The following PCDHGA10 variants were observed in gnomAD, a reference collection of about 807,000 sequenced individuals.
The protein encoded by PCDHGA10 is protocadherin gamma subfamily A, 10, also known as protocadherin gamma-A10.
PCDHGA10 carries 42 observed loss-of-function variants against 59.5 expected under a neutral mutation model. The ratio of observed to expected loss-of-function variants is 0.71; its 90% CI spans 0.55 to 0.91. The LOEUF (loss-of-function observed/expected upper bound fraction) is 0.91, where lower values mean the gene tolerates loss of function less well. PCDHGA10 is among the 40% of genes least tolerant of loss of function. The probability of loss-of-function intolerance (pLI) is 0.00; values close to 1 mark genes in which losing one functional copy is unlikely to be tolerated. For synonymous variants in PCDHGA10, 511 were observed against 517.2 expected (o/e 0.99, Z 0.16); for missense variants, 1,111 against 1,198.2 (o/e 0.93, Z 1.07).
chr5:141,467,162 C>T (rs765574629), intron 1 of PCDHGA10, among the ~76,000 whole-genome samples: 1 of 151,724 alleles, frequency 6.6e-6, no homozygotes, highest in Non-Finnish European at 1.5e-5. Flanking sequence ...AAGTGATTCT[C>T]ATCTCTCAGC....
At chr5:141,509,319 G>A (rs1427191152) in intron 3 of PCDHGA10, among the ~76,000 whole-genome samples, 3 of 152,216 alleles carry the variant, frequency 2.0e-5, no homozygotes, top group African/African-American at 4.8e-5. Context: ...TGGGAGAGAA[G>A]CTCTACTGCC....
intron 1 of PCDHGA10, among the ~76,000 whole-genome samples, chr5:141,464,504 T>A (rs1264652523): frequency 6.6e-6 from 1 of 152,046 alleles, no homozygotes; most frequent in Non-Finnish European, 1.5e-5. Context: ...GATTGCTGCA[T>A]CATAAGGTAA....
At position 141,413,202 on chromosome 5, in the gene PCDHGA10, GGAATC is replaced by G. The variant is rs766359797; in HGVS notation, c.28_32del (p.Glu10LysfsTer30). 6.8e-6 allele frequency: 11 copies of G among 1,611,944 alleles called. No homozygotes were observed. The East Asian group carries it at 2.2e-4, about 33-fold the overall frequency. On this transcript the variant is annotated frameshift_variant, in exon 1 of 4. Coordinates refer to ENST00000398610, the MANE Select transcript of PCDHGA10 (RefSeq NM_018913.3). LOFTEE classifies it high-confidence loss of function. ...TGGCCGCTCAAAGGAATCGCTCAAAGGAATCAAAGGATTGCAGCGGGCTGGTCCTG... is the reference window on the plus strand; with the variant it reads ...TGGCCGCTCAAAGGAATCGCTCAAAGAAAGGATTGCAGCGGGCTGGTCCTG...
In PCDHGA10 at chr5:141,493,511, T is replaced by G. The variant is rs1203329648; in HGVS notation, c.2437-1296T>G. Among the ~76,000 whole-genome samples the G allele has an allele frequency of 6.6e-6, 1 of 152,094 alleles. No individual in the cohort carries two copies. Reference sequence around the variant, plus strand: ...TCTGTGGCTCCTCATTTCTGAGCAGTCCCCGCAGCGCAAACTTGGCCAGTT... The same window carrying G: ...TCTGTGGCTCCTCATTTCTGAGCAGGCCCCGCAGCGCAAACTTGGCCAGTT... On this transcript the variant is annotated intron_variant, in intron 1 of 3. Coordinates refer to ENST00000398610, the MANE Select transcript of PCDHGA10 (RefSeq NM_018913.3). This position sits in a 1 kb window ranked among gnomAD's most constrained non-coding sequence, Gnocchi z 4.3.
chr5:141,473,892 G>C (rs1247711441), intron 1 of PCDHGA10, among the ~76,000 whole-genome samples: 1 of 152,138 alleles, frequency 6.6e-6, no homozygotes, highest in African/African-American at 2.4e-5. Context: ...GGGTTCTGTT[G>C]GTTCATGAAG....
chr5:141,473,269 A>G (rs2099318337), intron 1 of PCDHGA10, among the ~76,000 whole-genome samples: 1 of 152,208 alleles, frequency 6.6e-6, no homozygotes. Flanking sequence ...AGTGTATGCT[A>G]TGATTATTTT....
At chr5:141,423,313 G>A (rs1407028245) in intron 1 of PCDHGA10, 3 of 1,614,184 alleles carry the variant, frequency 1.9e-6, no homozygotes, top group Non-Finnish European at 1.7e-6. Context: ...GTACTTGGTG[G>A]TGGCGGTGGC....
At position 141,424,003 on chromosome 5, in the gene PCDHGA10, T is replaced by C. The variant is rs150506228; in HGVS notation, c.2436+8392T>C. 5.3e-3 allele frequency: 5,614 copies of C among 1,067,752 alleles called. 27 individuals carry two copies. The highest frequency in any genetic ancestry group is 0.01 in the Admixed American group (195 of 19,092). 66.1% of individuals were successfully genotyped at this position (1,067,752 alleles called of 1,614,324 possible). A position where few individuals can be genotyped will look rare whatever the true frequency, so the allele number is the denominator to read the frequency against. ...AGGCTCTCAATTTATTATATATAGA[T>C]ACAAATTAATGATTCACAAACACTT... On this transcript the variant is annotated intron_variant, in intron 1 of 3. Transcript: ENST00000398610.
chr5:141,471,964 T>C lies in PCDHGA10; in HGVS notation c.2437-22843T>C, dbSNP rs138170906. Among the ~76,000 whole-genome samples, 591 of 152,278 alleles carry C rather than the reference T, an allele frequency of 3.9e-3. 6 individuals are homozygous for C. Among genetic ancestry groups the C allele is most frequent in the Admixed American group, 0.011 (171 of 15,292 alleles). On this transcript the variant is annotated intron_variant, in intron 1 of 3. Transcript: ENST00000398610. ...TCTAAAACTGGATTGTGGGGTTGGT[T>C]GCATTACTGTATAAATTTATTAAAA...
intron 1 of PCDHGA10, among the ~76,000 whole-genome samples, chr5:141,472,273 G>A (rs2099275685): frequency 6.6e-6 from 1 of 152,170 alleles, no homozygotes; most frequent in South Asian, 2.1e-4. Context: ...CGGGCACAGT[G>A]GCTCACACCT....
At chr5:141,423,327 A>G in intron 1 of PCDHGA10, 1 of 1,614,100 alleles carries the variant, frequency 6.2e-7, no homozygotes, top group Non-Finnish European at 8.5e-7. Flanking sequence ...CGGTGGCCGC[A>G]GTCTCCTGCA....
chr5:141,414,677 AG>A lies in PCDHGA10; in HGVS notation c.1507del (p.Val503TyrfsTer34). On this transcript the variant is annotated frameshift_variant, in exon 1 of 4. Transcript: ENST00000398610. LOFTEE classifies it high-confidence loss of function. ...IIYSLAEDTIQGVPLSSYISI... is the reference protein window; with the variant it reads ...IIYSLAEDTIXGVPLSSYISI... ...TACTCCCTGGCTGAAGACACCATCC[AG>A]GGGGTACCTCTGTCCTCATACATAT... is the stretch of plus-strand genomic sequence containing the variant. The A allele has an allele frequency of 6.2e-7, 1 of 1,613,794 alleles. No individual in the cohort carries two copies. The highest frequency in any genetic ancestry group is 8.5e-7 in the Non-Finnish European group (1 of 1,179,730).
At chr5:141,423,967 A>C (rs760284844) in intron 1 of PCDHGA10, 11 of 1,153,498 alleles carry the variant, frequency 9.5e-6, no homozygotes, top group Non-Finnish European at 1.2e-5. Flanking sequence ...TTTTTCTATT[A>C]TCAGTGTATG....
At position 141,460,338 on chromosome 5, in the gene PCDHGA10, T is replaced by C. The variant is rs1180912204; in HGVS notation, c.2437-34469T>C. Among the ~76,000 whole-genome samples, 4 of 152,222 alleles carry C rather than the reference T, an allele frequency of 2.6e-5. No homozygotes were observed. The East Asian group carries it at 7.7e-4, about 29-fold the overall frequency. On this transcript the variant is annotated intron_variant, in intron 1 of 3. Transcript: ENST00000398610. ...GCCTACTGAAAACTTATGATGATTT[T>C]CTCCTATATTTTCTTTTAGAAGTTT...
At chr5:141,505,348 G>A (rs1414647950) in intron 2 of PCDHGA10, 45 bp from the exon 3 acceptor site, 1 of 1,613,358 alleles carries the variant, frequency 6.2e-7, no homozygotes, top group Admixed American at 1.7e-5. Context: ...GGCATGAGCT[G>A]TGCCGGCCTG....
chr5:141,459,529 G>A (rs1201996126), intron 1 of PCDHGA10, among the ~76,000 whole-genome samples: 2 of 152,134 alleles, frequency 1.3e-5, no homozygotes, highest in African/African-American at 2.4e-5. Context: ...ATTTTTGTAG[G>A]CATATTTTTT....
intron 1 of PCDHGA10, among the ~76,000 whole-genome samples, chr5:141,481,426 A>T (rs1431602618): frequency 6.6e-6 from 1 of 152,238 alleles, no homozygotes; most frequent in Non-Finnish European, 1.5e-5. Context: ...TGTGATGATG[A>T]TTGTATCAGT....
rs769909773 is a variant in PCDHGA10 at position 141,476,732 on chromosome 5, C to T, written c.2437-18075C>T. The T allele has an allele frequency of 8.7e-6, 14 of 1,614,096 alleles. No homozygotes were observed. Among genetic ancestry groups the T allele is most frequent in the Non-Finnish European group, 1.1e-5 (13 of 1,180,030 alleles). ...GTTGGAGCGCGCCCTGGACCGAGAA[C>T]GGGAGCCTAGTCTCCAGTTAGTGCT... is the stretch of plus-strand genomic sequence containing the variant. On this transcript the variant is annotated intron_variant, in intron 1 of 3. Coordinates refer to ENST00000398610, the MANE Select transcript of PCDHGA10 (RefSeq NM_018913.3). The surrounding 1 kb of genome is among the most constrained non-coding windows in gnomAD (Gnocchi z 7.6).
At chr5:141,419,313 G>T in intron 1 of PCDHGA10, 1 of 1,613,974 alleles carries the variant, frequency 6.2e-7, no homozygotes, top group Non-Finnish European at 8.5e-7. Context: ...GGGCTCAACG[G>T]CCGTGTCTCC....
Sources: gnomAD v4.1 joint callset for allele counts (sites outside exome capture counted in the v4.1 genomes callset) on GRCh38, gnomAD v4.1.1 for gene constraint, Gnocchi (gnomAD v3.1) non-coding constraint, MANE v1.5 for transcripts, NCBI Gene and HGNC (gene_info 2026-07-23, HGNC 2026-07-21) for gene names.